The following CEP192 variants were observed in gnomAD, a reference collection of about 807,000 sequenced individuals.
The protein encoded by CEP192 is centrosomal protein of 192 kDa.
CEP192 carries 151 observed loss-of-function variants against 271.8 expected under a neutral mutation model. The ratio of observed to expected loss-of-function variants is 0.56; its 90% confidence interval spans 0.49 to 0.64. The LOEUF (loss-of-function observed/expected upper bound fraction) is 0.64, where lower values mean the gene tolerates loss of function less well. Among genes scored for constraint, CEP192 ranks in the 30% least tolerant of loss-of-function variants. CEP192 has a pLI of 0.00. For missense variants in CEP192, 2,910 were observed against 3,020.5 expected, an observed-to-expected ratio of 0.96 and a Z score of 0.86; for synonymous variants, 995 against 1,076.5, an observed-to-expected ratio of 0.92 and a Z score of 1.48.
In CEP192 at chr18:13,049,306, G is replaced by C. The variant is rs1204377223; in HGVS notation, c.2515G>C (p.Glu839Gln). Reference sequence around the variant, plus strand: ...TAGTGTAAGTGTGAGGGCACCAGAAGAAAACACAGCAGCTATTGTTTATGT... The same window carrying C: ...TAGTGTAAGTGTGAGGGCACCAGAACAAAACACAGCAGCTATTGTTTATGT... ...ATSVSVRAPE[E>Q]NTAAIVYVEN... Residue 839 changes from glutamate to glutamine, a missense_variant, in exon 16 of 45, where the codon GAA (glutamate) becomes CAA (glutamine). By Grantham distance (29) the Glu-to-Gln change is conservative. Transcript: ENST00000506447. The C allele has an allele frequency of 3.2e-5, 52 of 1,613,998 alleles. No homozygotes were observed. The highest frequency in any genetic ancestry group is 3.8e-5 in the Non-Finnish European group (45 of 1,180,008).
At chr18:13,057,007 T>G (rs1317082393) in intron 19 of CEP192, among the ~76,000 whole-genome samples, 1 of 152,126 alleles carries the variant, frequency 6.6e-6, no homozygotes, top group East Asian at 1.9e-4. Flanking sequence ...CCAGAATGAG[T>G]GAGTGCCTCC....
chr18:13,030,051 A>G (rs781618337), intron 10 of CEP192, 49 bp downstream of exon 10: 6 of 1,302,090 alleles, frequency 4.6e-6, no homozygotes, highest in African/African-American at 3.0e-5. Flanking sequence ...ATGTTCATAC[A>G]TTTTGAATAG....
chr18:13,032,010 C>T (rs1010022197), intron 11 of CEP192, among the ~76,000 whole-genome samples: 4 of 152,190 alleles, frequency 2.6e-5, no homozygotes, highest in Middle Eastern at 6.8e-3. Context: ...GGAGGTGAAG[C>T]TGGAGAGGTC....
rs777410032 is a variant in CEP192 at position 13,019,125 on chromosome 18, T to C, written c.969T>C (p.Gly323=). 6.5e-5 allele frequency: 101 copies of C among 1,544,576 alleles called. No individual in the cohort carries two copies. Among genetic ancestry groups the C allele is most frequent in the Non-Finnish European group, 8.1e-5 (93 of 1,143,734 alleles). ...GTGDSRRYTD[G]MLPFSSGTWG... ...GAGATAGTAGAAGGTACACAGATGG[T>C]ATGTTACCATTTTCCTCTGGTACTT... Residue 323 remains glycine (G), a synonymous_variant, in exon 9 of 45, where the codon GGT becomes GGC. Coordinates refer to ENST00000506447, the MANE Select transcript of CEP192 (RefSeq NM_032142.4).
At position 13,030,564 on chromosome 18, in the gene CEP192, A is replaced by G; in HGVS notation, c.1490A>G (p.Asn497Ser). 1 of 1,612,210 alleles carries G rather than the reference A, an allele frequency of 6.2e-7. No homozygotes were observed. Among genetic ancestry groups the G allele is most frequent in the Non-Finnish European group, 8.5e-7 (1 of 1,178,584 alleles). Residue 497 changes from asparagine to serine, a missense_variant, in exon 11 of 45, where the codon AAT becomes AGT. Coordinates refer to ENST00000506447, the MANE Select transcript of CEP192 (RefSeq NM_032142.4). ...TCTTTTAATAGCAAACAAAATTTAAATGTGTCTCTAAGTGATGAGATGAAT... is the reference window on the plus strand; with the variant it reads ...TCTTTTAATAGCAAACAAAATTTAAGTGTGTCTCTAAGTGATGAGATGAAT... ...YTSFNSKQNLNVSLSDEMNED... is the reference protein window; with the variant it reads ...YTSFNSKQNLSVSLSDEMNED...
intron 3 of CEP192, among the ~76,000 whole-genome samples, chr18:13,003,867 G>C (rs2033814215): frequency 6.6e-6 from 1 of 152,060 alleles, no homozygotes; most frequent in East Asian, 1.9e-4. Context: ...GAGCAGCATG[G>C]GCACATTGTC....
intron 40 of CEP192, 31 bp from the exon 41 acceptor site, chr18:13,113,555 T>A: frequency 6.2e-7 from 1 of 1,607,730 alleles, no homozygotes; most frequent in South Asian, 1.1e-5. Context: ...ATGATCAGTG[T>A]CTAAATTTCT....
At chr18:13,038,289 A>T in intron 12 of CEP192, 81 bp from the exon 13 acceptor site, 1 of 1,154,244 alleles carries the variant, frequency 8.7e-7, no homozygotes, top group Non-Finnish European at 1.2e-6. Context: ...TCTTGGTAAG[A>T]CTTTTTTAGT....
At position 13,115,326 on chromosome 18, in the gene CEP192, A is replaced by G. The variant is rs984413437; in HGVS notation, c.7290-1051A>G. Among the ~76,000 whole-genome samples, 62 of 152,332 alleles carry G rather than the reference A, an allele frequency of 4.1e-4. 1 individual carries two copies. Among genetic ancestry groups the G allele is most frequent in the Non-Finnish European group, 2.1e-4 (14 of 68,020 alleles). On this transcript the variant is annotated intron_variant, in intron 42 of 44. Transcript: ENST00000506447. ...GCAGCTTGGTCTGTGAAACCTGGGA[A>G]GGAGTTCCCTGAAAGGGGACATTTA...
intron 34 of CEP192, among the ~76,000 whole-genome samples, chr18:13,092,783 T>A (rs1422748589): frequency 1.3e-5 from 2 of 152,146 alleles, no homozygotes; most frequent in African/African-American, 2.4e-5. Flanking sequence ...TCATCCTCTA[T>A]TTGTATGGAA....
At chr18:13,063,820 A>AT (rs111552814) in intron 21 of CEP192, among the ~76,000 whole-genome samples, 18,632 of 134,530 alleles carry the variant, frequency 0.14, 1,380 homozygotes, top group South Asian at 0.22. Flanking sequence ...ATTTTCCCCA[A>AT]TTTTTTTTTT....
intron 37 of CEP192, 120 bp from the exon 38 acceptor site, chr18:13,100,185 A>C (rs1598603900): frequency 1.5e-6 from 1 of 684,214 alleles, no homozygotes; most frequent in Middle Eastern, 4.0e-4. Flanking sequence ...TTAATTCCTA[A>C]ATTTATTGAT....
intron 15 of CEP192, among the ~76,000 whole-genome samples, chr18:13,045,459 C>A (rs2036424501): frequency 6.6e-6 from 1 of 152,152 alleles, no homozygotes; most frequent in Non-Finnish European, 1.5e-5. Flanking sequence ...AAATATGATA[C>A]ATAGCTCAGC....
chr18:13,061,943 A>G (rs1598482634), intron 21 of CEP192, among the ~76,000 whole-genome samples: 1 of 152,206 alleles, frequency 6.6e-6, no homozygotes, highest in Admixed American at 6.5e-5. Context: ...ACATTTCACT[A>G]TATCAGACTG....
At chr18:13,025,260 AGAATG>A (rs1288803140) in intron 9 of CEP192, among the ~76,000 whole-genome samples, 1 of 152,032 alleles carries the variant, frequency 6.6e-6, no homozygotes, top group Non-Finnish European at 1.5e-5. Flanking sequence ...TATGTTGCCC[AGAATG>A]GAGTGCAGTG....
At chr18:12,995,737 A>G (rs1371490121) in intron 1 of CEP192, among the ~76,000 whole-genome samples, 1 of 152,210 alleles carries the variant, frequency 6.6e-6, no homozygotes, top group Non-Finnish European at 1.5e-5. Context: ...GCCCTGTTCA[A>G]ATCTGTAGGT....
chr18:13,080,808 T>G (rs2144603709), intron 30 of CEP192, among the ~76,000 whole-genome samples: 1 of 152,330 alleles, frequency 6.6e-6, no homozygotes, highest in Middle Eastern at 3.4e-3. Context: ...TTGAGATATA[T>G]TCCATCAATA....
At chr18:13,106,413 T>C (rs1326360358) in intron 40 of CEP192, among the ~76,000 whole-genome samples, 1 of 117,372 alleles carries the variant, frequency 8.5e-6, no homozygotes, top group Non-Finnish European at 1.9e-5. Context: ...CACTCACCAC[T>C]GCCATCACCA....
chr18:13,032,908 G>A (rs558232950), intron 11 of CEP192, among the ~76,000 whole-genome samples: 2 of 152,242 alleles, frequency 1.3e-5, no homozygotes, highest in Admixed American at 6.5e-5. Context: ...GTGGAATGAC[G>A]TAAAGCTGAC....
Sources: allele counts gnomAD v4.1 joint callset (sites outside exome capture counted in the v4.1 genomes callset), GRCh38; gene constraint gnomAD v4.1.1; transcripts MANE v1.5; gene names NCBI Gene and HGNC (gene_info 2026-07-23, HGNC 2026-07-21).